USP22: variants seen among roughly 807,000 people sequenced by gnomAD.
USP22 encodes ubiquitin specific peptidase 22.
Under a neutral mutation model 68.1 loss-of-function variants are expected in USP22, and 22 were observed. That is an observed-to-expected ratio of 0.32 (90% CI 0.23 to 0.46). The LOEUF (loss-of-function observed/expected upper bound fraction) is 0.46. Ranked by LOEUF, USP22 falls within the 20% of genes least tolerant of loss-of-function variation. The pLI is 1.00. For missense variants in USP22, 433 were observed against 695.8 expected, an observed-to-expected ratio of 0.62 and a Z score of 4.25; for synonymous variants, 279 against 274.2, an observed-to-expected ratio of 1.02 and a Z score of -0.17.
chr17:21,009,923 C>T (rs2143534914), intron 8 of USP22, among the ~76,000 whole-genome samples: 1 of 151,776 alleles, frequency 6.6e-6, no homozygotes, highest in East Asian at 1.9e-4. Context: ...CCACTGCACT[C>T]CAGCCTGCAC....
intron 1 of USP22, among the ~76,000 whole-genome samples, chr17:21,035,502 G>T (rs1232720363): frequency 7.7e-6 from 1 of 130,230 alleles, no homozygotes; most frequent in Non-Finnish European, 1.6e-5. Context: ...CTACCAATTT[G>T]TAGGAAATAG....
At chr17:21,003,533 C>T (rs140555066) in intron 12 of USP22, among the ~76,000 whole-genome samples, 66 of 152,314 alleles carry the variant, frequency 4.3e-4, no homozygotes, top group African/African-American at 1.4e-3. Context: ...AGCTGGGGTC[C>T]CCCTGACCCC....
In USP22 at chr17:21,042,742, C is replaced by G; in HGVS notation, c.94G>C (p.Asp32His). The change falls in exon 1 of 13, where the codon GAC becomes CAC. Residue 32 changes from aspartate to histidine, a missense_variant. Coordinates refer to ENST00000261497, the MANE Select transcript of USP22 (RefSeq NM_015276.2). The part of the protein sequence containing the change: ...GCSHLGSFKV[D>H]NWKQNLRAIY... ...GCCCGCAGGTTCTGCTTCCAGTTGT[C>G]CACCTTGAAGCTGCCCAGGTGCGAG... The G allele has an allele frequency of 2.0e-6, 3 of 1,490,552 alleles. No individual in the cohort carries two copies. The highest frequency in any genetic ancestry group is 2.7e-6 in the Non-Finnish European group (3 of 1,120,054). The allele number at this position is 1,490,552 out of a possible 1,614,324, so 92.3% of individuals were successfully genotyped here.
intron 7 of USP22, 69 bp downstream of exon 7, chr17:21,012,754 CAGCTCTG>C: frequency 7.6e-7 from 1 of 1,323,978 alleles, no homozygotes. Flanking sequence ...AGAGCACACA[CAGCTCTG>C]GAGACTGGGA....
intron 1 of USP22, among the ~76,000 whole-genome samples, chr17:21,031,806 C>T (rs1324437692): frequency 6.6e-6 from 1 of 152,240 alleles, no homozygotes; most frequent in African/African-American, 2.4e-5. Context: ...ACCTAGGATG[C>T]TCCCCTGCAC....
At chr17:21,004,373 G>GTC in intron 11 of USP22, 22 bp from the exon 12 acceptor site, 1 of 1,611,912 alleles carries the variant, frequency 6.2e-7, no homozygotes, top group African/African-American at 1.3e-5. Flanking sequence ...GCAAAGGAGA[G>GTC]GGAGGGCGCA....
At chr17:21,037,277 AAGG>A (rs1176369725) in intron 1 of USP22, among the ~76,000 whole-genome samples, 1 of 152,228 alleles carries the variant, frequency 6.6e-6, no homozygotes, top group South Asian at 2.1e-4. Flanking sequence ...CTCCATCCTC[AAGG>A]AGGAGGAACA....
chr17:21,004,641 A>G (rs1173342201), intron 11 of USP22, among the ~76,000 whole-genome samples: 2 of 151,970 alleles, frequency 1.3e-5, no homozygotes, highest in Non-Finnish European at 1.5e-5. Flanking sequence ...ACTTTCTACA[A>G]CCCCAAGGCA....
At chr17:21,036,674 A>T (rs1229893884) in intron 1 of USP22, among the ~76,000 whole-genome samples, 1 of 152,186 alleles carries the variant, frequency 6.6e-6, no homozygotes, top group Non-Finnish European at 1.5e-5. Context: ...GATAAACTGG[A>T]GGGGAAGGCT....
chr17:21,040,546 T>C (rs1353974012), intron 1 of USP22, among the ~76,000 whole-genome samples: 1 of 152,164 alleles, frequency 6.6e-6, no homozygotes, highest in Non-Finnish European at 1.5e-5. Context: ...CTCAACAGTT[T>C]TGAAACTAAG....
At chr17:21,019,445 C>A (rs778874264) in intron 3 of USP22, among the ~76,000 whole-genome samples, 1 of 152,258 alleles carries the variant, frequency 6.6e-6, no homozygotes. Flanking sequence ...ACTACCCCAA[C>A]GCCAATGCCA....
Position 21,042,711 on chromosome 17 carries a change from T to C in USP22, c.125A>G (p.Tyr42Cys). The part of the protein sequence containing the change: ...DNWKQNLRAI[Y>C]QCFVWSGTAE... ...CGTGCCGCTCCACACGAAGCACTGG[T>C]AGATGGCCCGCAGGTTCTGCTTCCA... The change falls in exon 1 of 13, where the codon TAC becomes TGC. Residue 42 changes from tyrosine (Y) to cysteine (C), a missense_variant. Tyr to Cys is a radical substitution (Grantham distance 194). Transcript: ENST00000261497. 6.9e-7 allele frequency: 1 copy of C among 1,444,622 alleles called. No individual in the cohort carries two copies. The highest frequency in any genetic ancestry group is 1.4e-5 in the South Asian group (1 of 73,412). The allele number at this position is 1,444,622 out of a possible 1,614,324, so 89.5% of individuals were successfully genotyped here. A position where few individuals can be genotyped will look rare whatever the true frequency, so the allele number is the denominator to read the frequency against.
chr17:21,041,252 G>A (rs1972426750), intron 1 of USP22, among the ~76,000 whole-genome samples: 1 of 151,996 alleles, frequency 6.6e-6, no homozygotes, highest in African/African-American at 2.4e-5. Context: ...AACGTTTTAT[G>A]TCTGATTTTA....
At chr17:21,037,351 A>G (rs1972370223) in intron 1 of USP22, among the ~76,000 whole-genome samples, 1 of 152,238 alleles carries the variant, frequency 6.6e-6, no homozygotes, top group African/African-American at 2.4e-5. Flanking sequence ...TAAACAGTAC[A>G]TAAAGGAGGG....
At chr17:21,030,321 CTTTGA>C (rs1321737845) in intron 1 of USP22, among the ~76,000 whole-genome samples, 1 of 152,020 alleles carries the variant, frequency 6.6e-6, no homozygotes, top group African/African-American at 2.4e-5. Context: ...CCCCAAATAT[CTTTGA>C]TTTGTGGTTG....
intron 6 of USP22, among the ~76,000 whole-genome samples, chr17:21,013,534 T>A (rs111536694): frequency 3.9e-5 from 6 of 152,350 alleles, no homozygotes; most frequent in African/African-American, 1.4e-4. Flanking sequence ...GTAGCAGAAC[T>A]TAATTCGTGT....
In USP22 at chr17:21,000,773, CACTCAT is replaced by C. The variant is rs1445863355; in HGVS notation, c.*2252_*2257del. The C allele has an allele frequency of 6.6e-6, 1 of 152,202 alleles. No homozygotes were observed. Among genetic ancestry groups the C allele is most frequent in the African/African-American group, 2.4e-5 (1 of 41,436 alleles). The allele number at this position is 152,202 out of a possible 1,614,324, so 9.4% of individuals were successfully genotyped here. On this transcript the variant is annotated 3_prime_UTR_variant, in exon 13 of 13. Coordinates refer to ENST00000261497, the MANE Select transcript of USP22 (RefSeq NM_015276.2). ...TTAGATTTGTTCCTAATTAAAAGACCACTCATAGGCCAGGTGCGGTGGCTCACGCCT... is the reference window on the plus strand; with the variant it reads ...TTAGATTTGTTCCTAATTAAAAGACCAGGCCAGGTGCGGTGGCTCACGCCT...
chr17:21,015,544 C>T (rs990065717), intron 6 of USP22: 9 of 637,314 alleles, frequency 1.4e-5, no homozygotes, highest in Middle Eastern at 4.4e-4. Flanking sequence ...ACTACTTCCT[C>T]GCCTCTTAAA....
intron 2 of USP22, among the ~76,000 whole-genome samples, chr17:21,025,742 G>A (rs1189905051): frequency 1.3e-5 from 2 of 152,166 alleles, no homozygotes; most frequent in Middle Eastern, 3.2e-3. Flanking sequence ...AGCCAGACAC[G>A]AAGGGCCACA....
Sources: gnomAD v4.1 joint callset for allele counts (sites outside exome capture counted in the v4.1 genomes callset) on GRCh38, gnomAD v4.1.1 for gene constraint, MANE v1.5 for transcripts, NCBI Gene and HGNC (gene_info 2026-07-23, HGNC 2026-07-21) for gene names.